TUSC3: variants seen among roughly 807,000 people sequenced by gnomAD.
The protein encoded by TUSC3 is tumor suppressor candidate 3.
In TUSC3, 45 loss-of-function variants were observed where a neutral mutation model predicts 44.8. The observed-to-expected ratio is 1.00, with a 90% CI of 0.79 to 1.29. TUSC3 has a LOEUF of 1.29. TUSC3 is among the 50% of genes most tolerant of loss of function. The pLI, the probability that TUSC3 is intolerant of heterozygous loss-of-function variation, is 0.00. For synonymous variants in TUSC3, 212 were observed against 152.9 expected (o/e 1.39, Z -2.85); for missense variants, 519 against 437.9 (o/e 1.19, Z -1.65).
intron 7 of TUSC3, among the ~76,000 whole-genome samples, chr8:15,734,955 C>T (rs919915056): frequency 5.9e-5 from 9 of 152,108 alleles, no homozygotes; most frequent in Non-Finnish European, 1.0e-4. Flanking sequence ...CTTAGCTACA[C>T]GTAGTAGATG....
At chr8:15,583,107 T>C (rs1340583014) in intron 1 of TUSC3, among the ~76,000 whole-genome samples, 1 of 152,302 alleles carries the variant, frequency 6.6e-6, no homozygotes, top group East Asian at 1.9e-4. Context: ...TAGTAAAAAT[T>C]ACCCCATGGC....
At chr8:15,491,192 A>C (rs1800804984) in intron 2 of TUSC3, among the ~76,000 whole-genome samples, 1 of 151,564 alleles carries the variant, frequency 6.6e-6, no homozygotes, top group Admixed American at 6.6e-5. Flanking sequence ...AGTAGAGTGA[A>C]GGGATGACTT....
chr8:15,681,816 C>T (rs1161197599), intron 6 of TUSC3, among the ~76,000 whole-genome samples: 1 of 151,974 alleles, frequency 6.6e-6, no homozygotes, highest in African/African-American at 2.4e-5. Context: ...ATAAACATTT[C>T]TCTTAATATT....
chr8:15,495,849 A>T (rs929990000), intron 2 of TUSC3, among the ~76,000 whole-genome samples: 1 of 152,134 alleles, frequency 6.6e-6, no homozygotes, highest in African/African-American at 2.4e-5. Context: ...GTTTCTTTTG[A>T]TAGTACAAAT....
intron 1 of TUSC3, among the ~76,000 whole-genome samples, chr8:15,462,115 A>G (rs1176014242): frequency 2.0e-5 from 3 of 152,092 alleles, no homozygotes; most frequent in Non-Finnish European, 2.9e-5. Context: ...AGCATTTAAT[A>G]GCTTTTAGGT....
intron 7 of TUSC3, among the ~76,000 whole-genome samples, chr8:15,738,306 T>G (rs1377193276): frequency 6.6e-6 from 1 of 152,206 alleles, no homozygotes; most frequent in African/African-American, 2.4e-5. Flanking sequence ...AATTCTTGCA[T>G]TTTAAAAAAT....
intron 1 of TUSC3, among the ~76,000 whole-genome samples, chr8:15,572,863 G>A (rs1585114198): frequency 6.6e-6 from 1 of 152,110 alleles, no homozygotes; most frequent in Non-Finnish European, 1.5e-5. Context: ...CATGTTTTAC[G>A]GGCACCATTT....
the TUSC3 span, among the ~76,000 whole-genome samples, chr8:15,793,864 C>A: frequency 3.3e-5 from 5 of 152,186 alleles, no homozygotes; most frequent in Non-Finnish European, 7.3e-5. Context: ...AGGAACATTT[C>A]AGGCAGATGT....
At chr8:15,479,936 G>C (rs1284043816) in intron 1 of TUSC3, among the ~76,000 whole-genome samples, 1 of 152,132 alleles carries the variant, frequency 6.6e-6, no homozygotes. Context: ...TAAAGCTGAT[G>C]AGCAACTTCA....
chr8:15,666,147 A>G (rs1024994136), intron 5 of TUSC3, among the ~76,000 whole-genome samples: 4 of 151,536 alleles, frequency 2.6e-5, no homozygotes, highest in African/African-American at 9.7e-5. Flanking sequence ...TATGTTTTGT[A>G]GCACATAATG....
At chr8:15,727,699 G>A (rs1810554148) in intron 6 of TUSC3, among the ~76,000 whole-genome samples, 1 of 152,176 alleles carries the variant, frequency 6.6e-6, no homozygotes, top group Non-Finnish European at 1.5e-5. Context: ...ATTTCTGAAT[G>A]CTGTTTGTTT....
chr8:15,625,612 C>A (rs756914784), intron 2 of TUSC3, among the ~76,000 whole-genome samples: 1 of 152,142 alleles, frequency 6.6e-6, no homozygotes, highest in Non-Finnish European at 1.5e-5. Context: ...CCAGCATTGT[C>A]CATGTTGTAT....
At chr8:15,837,123 G>A in the TUSC3 span, among the ~76,000 whole-genome samples, 1 of 152,230 alleles carries the variant, frequency 6.6e-6, no homozygotes, top group East Asian at 1.9e-4. Flanking sequence ...TCTGCTGGCA[G>A]TGTATGCTGT....
chr8:15,629,573 C>T lies in TUSC3; in HGVS notation c.308+6324C>T, dbSNP rs138763939. ...ATCTTGTTTTTTTTTTTTTTTTTCACGTGAATTACTCCTCCTGGGTCCTTC... is the reference window on the plus strand; with the variant it reads ...ATCTTGTTTTTTTTTTTTTTTTTCATGTGAATTACTCCTCCTGGGTCCTTC... On this transcript the variant is annotated intron_variant, in intron 2 of 10. Coordinates refer to ENST00000503731, the MANE Select transcript of TUSC3 (RefSeq NM_006765.4). 6.9e-5 allele frequency among the ~76,000 whole-genome samples: 9 copies of T among 129,754 alleles called. 1 individual carries two copies. Among genetic ancestry groups the T allele is most frequent in the East Asian group, 2.3e-4 (1 of 4,346 alleles). 85.1% of individuals were successfully genotyped at this position (129,754 alleles called of 152,430 possible). A position where few individuals can be genotyped will look rare whatever the true frequency, so the allele number is the denominator to read the frequency against.
At chr8:15,526,608 C>A (rs376039565) in intron 2 of TUSC3, among the ~76,000 whole-genome samples, 89 of 152,216 alleles carry the variant, frequency 5.8e-4, no homozygotes, top group African/African-American at 2.0e-3. Context: ...CTCATTCTCT[C>A]GTCTGCCGCC....
intron 1 of TUSC3, among the ~76,000 whole-genome samples, chr8:15,617,410 T>A (rs1381759499): frequency 6.6e-6 from 1 of 152,018 alleles, no homozygotes; most frequent in Non-Finnish European, 1.5e-5. Context: ...AGTGCTAGGA[T>A]TACAGGCGTG....
chr8:15,458,427 T>A (rs969726704), intron 1 of TUSC3, among the ~76,000 whole-genome samples: 1 of 152,044 alleles, frequency 6.6e-6, no homozygotes, highest in Non-Finnish European at 1.5e-5. Context: ...TTTGTAGAGA[T>A]GAGGTTTCAC....
chr8:15,732,682 TATAAG>T (rs1252060280), intron 7 of TUSC3, among the ~76,000 whole-genome samples: 2 of 152,208 alleles, frequency 1.3e-5, no homozygotes, highest in Non-Finnish European at 2.9e-5. Flanking sequence ...TTGTATAACT[TATAAG>T]GTAATACAAA....
intron 1 of TUSC3, among the ~76,000 whole-genome samples, chr8:15,619,935 A>G (rs1046053565): frequency 6.6e-6 from 1 of 152,152 alleles, no homozygotes; most frequent in Admixed American, 6.5e-5. Flanking sequence ...AAATGACTCA[A>G]TTTTGCCAGA....
Sources: gnomAD v4.1 joint callset for allele counts (sites outside exome capture counted in the v4.1 genomes callset) on GRCh38, gnomAD v4.1.1 for gene constraint, MANE v1.5 for transcripts, NCBI Gene and HGNC (gene_info 2026-07-23, HGNC 2026-07-21) for gene names.